The following MBTD1 variants were observed in gnomAD, a reference collection of about 807,000 sequenced individuals.
MBTD1 encodes the protein mbt domain containing 1.
MBTD1 carries 24 observed loss-of-function variants against 87.8 expected under a neutral mutation model. That is an observed-to-expected ratio of 0.27 (90% confidence interval 0.20 to 0.38). MBTD1 has a LOEUF of 0.38. Among genes scored for constraint, MBTD1 ranks in the 10% least tolerant of loss-of-function variants. The pLI, the probability that MBTD1 is intolerant of heterozygous loss-of-function variation, is 1.00. For synonymous variants in MBTD1, 237 were observed against 248.6 expected (o/e 0.95, Z 0.44); for missense variants, 436 against 760.2 (o/e 0.57, Z 5.02).
At chr17:51,230,986 G>A (rs189421015) in intron 2 of MBTD1, among the ~76,000 whole-genome samples, 159 of 152,264 alleles carry the variant, frequency 1.0e-3, no homozygotes, top group Admixed American at 2.2e-3. Context: ...TGCCCAGGTT[G>A]GAGTGCAGTG....
chr17:51,195,268 T>C lies in MBTD1; in HGVS notation c.1318A>G (p.Ile440Val), dbSNP rs745496663. Residue 440 changes from isoleucine (I) to valine (V), a missense_variant, in exon 13 of 17, where the codon ATT becomes GTT. Ile to Val is a conservative substitution (Grantham distance 29, BLOSUM62 3). This residue lies in a region of MBTD1 where 268 missense variants were observed against 401.8 expected (regional missense o/e 0.67). Coordinates refer to ENST00000586178, the MANE Select transcript of MBTD1 (RefSeq NM_017643.3). ...WFCYHATSPS[I>V]FPVGFCEINM... ...ATTTCACAGAAACCGACAGGGAAAA[T>C]AGAAGGAGAGGTTGCATGGTAACAG... 9 of 1,613,068 alleles carry C rather than the reference T, an allele frequency of 5.6e-6. No individual in the cohort carries two copies. The highest frequency in any genetic ancestry group is 1.7e-4 in the Middle Eastern group (1 of 6,060).
At chr17:51,255,794 C>T (rs566118205) in intron 2 of MBTD1, among the ~76,000 whole-genome samples, 3 of 152,096 alleles carry the variant, frequency 2.0e-5, no homozygotes, top group East Asian at 1.9e-4. Context: ...GACAGGGTTT[C>T]GCCATGTTGC....
intron 3 of MBTD1, among the ~76,000 whole-genome samples, chr17:51,223,412 T>C (rs1002726582): frequency 6.6e-6 from 1 of 151,880 alleles, no homozygotes; most frequent in Non-Finnish European, 1.5e-5. Context: ...AGCATGTGCC[T>C]ACAGTACCAG....
At chr17:51,220,869 A>G (rs2052848046) in intron 3 of MBTD1, among the ~76,000 whole-genome samples, 1 of 152,250 alleles carries the variant, frequency 6.6e-6, no homozygotes, top group Non-Finnish European at 1.5e-5. Context: ...ATAACAAAGT[A>G]TAACACAGGC....
chr17:51,220,000 G>C (rs2052794952), intron 4 of MBTD1, among the ~76,000 whole-genome samples: 1 of 152,150 alleles, frequency 6.6e-6, no homozygotes, highest in South Asian at 2.1e-4. Flanking sequence ...ATTCTACCTT[G>C]ATGTTAACAC....
At chr17:51,219,071 G>A in intron 4 of MBTD1, 27 bp from the exon 5 acceptor site, 1 of 1,259,974 alleles carries the variant, frequency 7.9e-7, no homozygotes, top group East Asian at 2.5e-5. Flanking sequence ...TAAGTAAATA[G>A]GATTCTTTTT....
At chr17:51,220,299 G>A in intron 4 of MBTD1, 31 bp downstream of exon 4, 1 of 1,528,832 alleles carries the variant, frequency 6.5e-7, no homozygotes, top group Non-Finnish European at 8.8e-7. Context: ...AGAAATAATG[G>A]ATATAAGTAA....
chr17:51,215,645 T>C (rs1165842100), intron 6 of MBTD1, among the ~76,000 whole-genome samples: 1 of 152,198 alleles, frequency 6.6e-6, no homozygotes, highest in Non-Finnish European at 1.5e-5. Flanking sequence ...AAAGCTGCTA[T>C]TGCTGTGTAT....
chr17:51,246,245 A>G (rs1213957862), intron 2 of MBTD1, among the ~76,000 whole-genome samples: 1 of 152,216 alleles, frequency 6.6e-6, no homozygotes, highest in African/African-American at 2.4e-5. Context: ...TAGCCTGAAG[A>G]TAATTTTATA....
chr17:51,196,638 T>C (rs2051125422), intron 12 of MBTD1, among the ~76,000 whole-genome samples: 1 of 151,734 alleles, frequency 6.6e-6, no homozygotes, highest in African/African-American at 2.4e-5. Context: ...ATGCCTGTAA[T>C]CTCAGCACTT....
At chr17:51,236,034 T>G (rs573854628) in intron 2 of MBTD1, among the ~76,000 whole-genome samples, 1 of 152,176 alleles carries the variant, frequency 6.6e-6, no homozygotes, top group East Asian at 1.9e-4. Flanking sequence ...TGTCTATTTA[T>G]GGGTATATAT....
chr17:51,237,191 G>A (rs1297486783), intron 2 of MBTD1, among the ~76,000 whole-genome samples: 8 of 151,176 alleles, frequency 5.3e-5, no homozygotes, highest in Admixed American at 1.3e-4. Flanking sequence ...AGCTACTCGG[G>A]AGGCTGAGGT....
intron 2 of MBTD1, among the ~76,000 whole-genome samples, chr17:51,240,910 T>C (rs922608216): frequency 4.6e-5 from 7 of 152,174 alleles, no homozygotes; most frequent in African/African-American, 9.7e-5. Flanking sequence ...CACTGCCTAA[T>C]TGATGCTATA....
intron 3 of MBTD1, among the ~76,000 whole-genome samples, chr17:51,223,598 G>A (rs572271198): frequency 1.3e-5 from 2 of 152,156 alleles, no homozygotes; most frequent in African/African-American, 4.8e-5. Flanking sequence ...CACTTTGAGA[G>A]GCCGAGGCAG....
chr17:51,230,213 A>G (rs2053473715), intron 2 of MBTD1, among the ~76,000 whole-genome samples: 1 of 152,212 alleles, frequency 6.6e-6, no homozygotes, highest in South Asian at 2.1e-4. Context: ...ATACAAAAGA[A>G]AAGTTCTAAT....
At chr17:51,199,330 C>T (rs1025089804) in intron 12 of MBTD1, among the ~76,000 whole-genome samples, 3 of 151,938 alleles carry the variant, frequency 2.0e-5, no homozygotes, top group Non-Finnish European at 2.9e-5. Context: ...TCATGATCTG[C>T]CCTTCTAAAG....
intron 16 of MBTD1, 119 bp from the exon 17 acceptor site, chr17:51,180,813 AT>A: frequency 1.5e-6 from 1 of 667,508 alleles, no homozygotes; most frequent in Non-Finnish European, 2.6e-6. Context: ...TCTTCAGTTA[AT>A]TTTAATTTTC....
chr17:51,256,859 G>C (rs575922235), intron 2 of MBTD1: 1 of 152,282 alleles, frequency 6.6e-6, no homozygotes, highest in African/African-American at 2.4e-5. Context: ...ACAGGATCTT[G>C]TCCAACAAGG....
chr17:51,247,237 G>C (rs932085153), intron 2 of MBTD1, among the ~76,000 whole-genome samples: 1 of 152,060 alleles, frequency 6.6e-6, no homozygotes, highest in Non-Finnish European at 1.5e-5. Flanking sequence ...TCTTCTGACC[G>C]ATTAGTATGG....
Sources: allele counts gnomAD v4.1 joint callset (sites outside exome capture counted in the v4.1 genomes callset), GRCh38; gene constraint gnomAD v4.1.1; regional missense constraint gnomAD v4.1.1; transcripts MANE v1.5; gene names NCBI Gene and HGNC (gene_info 2026-07-23, HGNC 2026-07-21).